CD247: variants seen among roughly 807,000 people sequenced by gnomAD.
CD247 encodes the protein CD247 molecule, also known as T-cell surface glycoprotein CD3 zeta chain.
In CD247, 13 loss-of-function variants were observed where a neutral mutation model predicts 30.0. The observed-to-expected ratio is 0.43, with a 90% CI of 0.28 to 0.69. The LOEUF is 0.69. Among genes scored for constraint, CD247 ranks in the 30% least tolerant of loss-of-function variants. CD247 has a pLI of 0.16. For missense variants in CD247, 193 were observed against 212.6 expected, an observed-to-expected ratio of 0.91 and a Z score of 0.57; for synonymous variants, 72 against 80.0, an observed-to-expected ratio of 0.90 and a Z score of 0.53.
At chr1:167,466,985 G>A (rs1306405056) in intron 1 of CD247, among the ~76,000 whole-genome samples, 1 of 152,142 alleles carries the variant, frequency 6.6e-6, no homozygotes, top group Non-Finnish European at 1.5e-5. Flanking sequence ...GACTACAGGC[G>A]CCCGCCACCG....
intron 1 of CD247, among the ~76,000 whole-genome samples, chr1:167,488,318 A>C (rs1654300973): frequency 6.6e-6 from 1 of 152,266 alleles, no homozygotes; most frequent in African/African-American, 2.4e-5. Context: ...GGCAGACTTC[A>C]TTCAAAACTG....
At chr1:167,492,067 A>G (rs1654475216) in intron 1 of CD247, among the ~76,000 whole-genome samples, 1 of 152,214 alleles carries the variant, frequency 6.6e-6, no homozygotes, top group Non-Finnish European at 1.5e-5. Flanking sequence ...TTGCGCAACA[A>G]TATGAATGTA....
At chr1:167,490,390 C>T (rs1424240632) in intron 1 of CD247, among the ~76,000 whole-genome samples, 7 of 150,460 alleles carry the variant, frequency 4.7e-5, no homozygotes, top group Non-Finnish European at 1.0e-4. Context: ...TTTGGGAGGC[C>T]GAGTTGGGTG....
rs1456548382 is a variant in CD247, at chr1:167,494,535, T to C, written c.58+23873A>G. Among the ~76,000 whole-genome samples, 1 of 152,102 alleles carries C rather than the reference T, an allele frequency of 6.6e-6. No homozygotes were observed. The highest frequency in any genetic ancestry group is 1.5e-5 in the Non-Finnish European group (1 of 68,012). ...CCCTGTCGACCTCATGGGGCTGCTG[T>C]GAGGGTCAGATGAGAAAATGGGTGG... On this transcript the variant is annotated intron_variant, in intron 1 of 7. Coordinates refer to ENST00000362089, the MANE Select transcript of CD247 (RefSeq NM_198053.3). This position sits in a 1 kb window ranked among gnomAD's most constrained non-coding sequence, Gnocchi z 7.3.
chr1:167,434,262 C>A (rs1466358242), intron 5 of CD247, 186 bp from the exon 6 acceptor site: 13 of 659,072 alleles, frequency 2.0e-5, no homozygotes, highest in Admixed American at 4.4e-5. Flanking sequence ...CAGCCCACCC[C>A]CCTCATCCTC....
At chr1:167,516,150 A>G (rs1773556) in intron 1 of CD247, among the ~76,000 whole-genome samples, 15,784 of 152,284 alleles carry the variant, frequency 0.1, 1,712 homozygotes, top group African/African-American at 0.28. Flanking sequence ...CCAAGGCTGC[A>G]TGTCAGAGCT....
chr1:167,461,515 C>G (rs1653004219), intron 1 of CD247, among the ~76,000 whole-genome samples: 1 of 152,168 alleles, frequency 6.6e-6, no homozygotes. Flanking sequence ...CCCTTATTTT[C>G]CAAGTTCCAT....
intron 1 of CD247, among the ~76,000 whole-genome samples, chr1:167,473,566 C>T (rs1328899764): frequency 6.6e-6 from 1 of 152,136 alleles, no homozygotes; most frequent in Non-Finnish European, 1.5e-5. Flanking sequence ...AGGAACAGCC[C>T]AGACCAAGTT....
At chr1:167,473,779 G>A (rs1653633358) in intron 1 of CD247, among the ~76,000 whole-genome samples, 1 of 152,182 alleles carries the variant, frequency 6.6e-6, no homozygotes, top group African/African-American at 2.4e-5. Flanking sequence ...CACTGTGAAG[G>A]GGAACCCCTT....
chr1:167,494,810 A>C lies in CD247; in HGVS notation c.58+23598T>G, dbSNP rs2102085966. Among the ~76,000 whole-genome samples the C allele has an allele frequency of 6.6e-6, 1 of 152,328 alleles. No homozygotes were observed. The highest frequency in any genetic ancestry group is 2.4e-5 in the African/African-American group (1 of 41,572). The stretch of plus-strand genomic sequence containing the variant: ...AAGCATGAGAGGCAAGACAATTATT[A>C]CCTCAGATCACATACGCCTTGGATT... On this transcript the variant is annotated intron_variant, in intron 1 of 7. Coordinates refer to ENST00000362089, the MANE Select transcript of CD247 (RefSeq NM_198053.3). This position sits in a 1 kb window ranked among gnomAD's most constrained non-coding sequence, Gnocchi z 7.3.
chr1:167,447,430 C>T (rs1322879439), intron 1 of CD247, among the ~76,000 whole-genome samples: 1 of 152,026 alleles, frequency 6.6e-6, no homozygotes, highest in Non-Finnish European at 1.5e-5. Flanking sequence ...CAGCACCCAG[C>T]AATCACTGGT....
At position 167,506,239 on chromosome 1, in the gene CD247, TCTTTTC is replaced by T. The variant is rs138592099; in HGVS notation, c.58+12163_58+12168del. ...CTTTCTTTTTTCTTTTCTTTTCTTT[TCTTTTC>T]CTTTTCTTTTCTTTTCTTTTCTTTT... On this transcript the variant is annotated intron_variant, in intron 1 of 7. Coordinates refer to ENST00000362089, the MANE Select transcript of CD247 (RefSeq NM_198053.3). Among the ~76,000 whole-genome samples, 49 of 44,016 alleles carry T rather than the reference TCTTTTC, an allele frequency of 1.1e-3. 1 individual carries two copies. Among genetic ancestry groups the T allele is most frequent in the African/African-American group, 4.1e-3 (28 of 6,876 alleles). 28.9% of individuals were successfully genotyped at this position (44,016 alleles called of 152,430 possible).
intron 1 of CD247, among the ~76,000 whole-genome samples, chr1:167,492,844 A>G (rs1654511425): frequency 6.6e-6 from 1 of 152,068 alleles, no homozygotes. Context: ...ACAGTTATAA[A>G]AGGCATCATT....
At chr1:167,439,683 G>A in intron 2 of CD247, 1 of 510,152 alleles carries the variant, frequency 2.0e-6, no homozygotes. Context: ...CCTCGCGCGT[G>A]CGCAGAGGTA....
chr1:167,460,885 G>A (rs1302512226), intron 1 of CD247, among the ~76,000 whole-genome samples: 1 of 152,196 alleles, frequency 6.6e-6, no homozygotes, highest in East Asian at 1.9e-4. Flanking sequence ...ACACACATTT[G>A]CAAGTTTCCT....
At position 167,497,320 on chromosome 1, in the gene CD247, C is replaced by G. The variant is rs181494789; in HGVS notation, c.58+21088G>C. Among the ~76,000 whole-genome samples, 276 of 152,134 alleles carry G rather than the reference C, an allele frequency of 1.8e-3. 2 individuals carry two copies. Among genetic ancestry groups the G allele is most frequent in the Non-Finnish European group, 2.6e-3 (179 of 67,996 alleles). On this transcript the variant is annotated intron_variant, in intron 1 of 7. Coordinates refer to ENST00000362089, the MANE Select transcript of CD247 (RefSeq NM_198053.3). ...TTATTTTCTCTTTGTTCTTTTCTAC[C>G]TTTTCCAAGTTTTCCCCAATAAGTA...
intron 2 of CD247, 75 bp from the exon 3 acceptor site, chr1:167,439,475 C>G: frequency 7.4e-7 from 1 of 1,344,498 alleles, no homozygotes; most frequent in Non-Finnish European, 1.1e-6. Flanking sequence ...GGGCGCGCGG[C>G]GACCCGAGGG....
chr1:167,463,231 G>A (rs975568637), intron 1 of CD247, among the ~76,000 whole-genome samples: 3 of 152,182 alleles, frequency 2.0e-5, no homozygotes, highest in African/African-American at 2.4e-5. Flanking sequence ...AGGCTGCAAT[G>A]TGACCTATGG....
intron 1 of CD247, among the ~76,000 whole-genome samples, chr1:167,477,671 A>G (rs879917712): frequency 1.4e-4 from 22 of 152,176 alleles, no homozygotes; most frequent in Non-Finnish European, 3.2e-4. Context: ...CTAGAACTAC[A>G]GGTGTGCACC....
Sources: gnomAD v4.1 joint callset for allele counts (sites outside exome capture counted in the v4.1 genomes callset) on GRCh38, gnomAD v4.1.1 for gene constraint, Gnocchi (gnomAD v3.1) non-coding constraint, MANE v1.5 for transcripts, NCBI Gene and HGNC (gene_info 2026-07-23, HGNC 2026-07-21) for gene names.